The following NCOA2 variants were observed in gnomAD, a reference collection of about 807,000 sequenced individuals.
NCOA2 encodes the protein nuclear receptor coactivator 2, also known as class E basic helix-loop-helix protein 75.
NCOA2 carries 21 observed loss-of-function variants against 145.1 expected under a neutral mutation model. The ratio of observed to expected loss-of-function variants is 0.14; its 90% confidence interval spans 0.10 to 0.21. The LOEUF is 0.21. NCOA2 is among the 10% of genes least tolerant of loss of function. NCOA2 has a pLI of 1.00. For missense variants in NCOA2, 1,472 were observed against 1,837.6 expected, an observed-to-expected ratio of 0.80 and a Z score of 3.64; for synonymous variants, 619 against 637.5, an observed-to-expected ratio of 0.97 and a Z score of 0.44.
chr8:70,375,954 G>A (rs1811628561), intron 1 of NCOA2, among the ~76,000 whole-genome samples: 1 of 152,022 alleles, frequency 6.6e-6, no homozygotes. Context: ...AAGAGTCACC[G>A]AAGACTTATG....
chr8:70,119,472 C>T (rs1205582352), intron 22 of NCOA2, among the ~76,000 whole-genome samples: 1 of 152,124 alleles, frequency 6.6e-6, no homozygotes, highest in Non-Finnish European at 1.5e-5. Flanking sequence ...GATGGACACA[C>T]AGGTTGATTC....
chr8:70,125,024 C>T (rs1412586166), intron 19 of NCOA2, among the ~76,000 whole-genome samples, 159 bp from the exon 20 acceptor site: 1 of 152,024 alleles, frequency 6.6e-6, no homozygotes, highest in Non-Finnish European at 1.5e-5. Flanking sequence ...AAGAAAGATT[C>T]CAAGCTCGGA....
At chr8:70,322,887 A>G (rs576248097) in intron 1 of NCOA2, among the ~76,000 whole-genome samples, 1 of 152,336 alleles carries the variant, frequency 6.6e-6, no homozygotes, top group African/African-American at 2.4e-5. Flanking sequence ...AAAATATTTC[A>G]AAGAATTTGT....
At chr8:70,167,843 G>C (rs533082754) in intron 6 of NCOA2, among the ~76,000 whole-genome samples, 1 of 152,072 alleles carries the variant, frequency 6.6e-6, no homozygotes, top group Non-Finnish European at 1.5e-5. Flanking sequence ...AGAATTAAAG[G>C]GTGTTTATGG....
chr8:70,128,301 C>A, intron 18 of NCOA2, 132 bp downstream of exon 18: 1 of 706,454 alleles, frequency 1.4e-6, no homozygotes. Flanking sequence ...TAGTAGGTAA[C>A]TAGATGACAG....
chr8:70,284,828 G>A (rs977147268), intron 2 of NCOA2, among the ~76,000 whole-genome samples: 1 of 150,228 alleles, frequency 6.7e-6, no homozygotes, highest in African/African-American at 2.4e-5. Flanking sequence ...ATGGAGAGAG[G>A]AGACAGGAGA....
At chr8:70,198,212 T>C (rs538132775) in intron 4 of NCOA2, among the ~76,000 whole-genome samples, 1 of 152,208 alleles carries the variant, frequency 6.6e-6, no homozygotes, top group Non-Finnish European at 1.5e-5. Flanking sequence ...GTCGTGGTAA[T>C]GGTAATAGGG....
Position 70,195,764 on chromosome 8 carries a change from C to T in NCOA2, c.259+18139G>A, listed in dbSNP as rs111954477. Among the ~76,000 whole-genome samples, 466 of 152,274 alleles carry T rather than the reference C, an allele frequency of 3.1e-3. 5 individuals carry two copies. Among genetic ancestry groups the T allele is most frequent in the African/African-American group, 0.011 (453 of 41,556 alleles). ...CGGTGGCTACAGAAATCCCACGTTC[C>T]ATTGCATCCTGCTACACCGCTTACA... On this transcript the variant is annotated intron_variant, in intron 4 of 22. Coordinates refer to ENST00000452400, the MANE Select transcript of NCOA2 (RefSeq NM_006540.4).
Position 70,262,850 on chromosome 8 carries a change from A to C in NCOA2, c.-20+33894T>G, listed in dbSNP as rs182874278. Among the ~76,000 whole-genome samples, 686 of 152,174 alleles carry C rather than the reference A, an allele frequency of 4.5e-3. 5 individuals are homozygous for C. Among genetic ancestry groups the C allele is most frequent in the Non-Finnish European group, 7.4e-3 (506 of 68,004 alleles). On this transcript the variant is annotated intron_variant, in intron 2 of 22. Coordinates refer to ENST00000452400, the MANE Select transcript of NCOA2 (RefSeq NM_006540.4). The stretch of plus-strand genomic sequence containing the variant: ...ACAGATACTACTGAACTGTATATAC[A>C]CCGGTTTTTCCTATGCACAGATACC...
chr8:70,384,139 T>A (rs1164008438), intron 1 of NCOA2, among the ~76,000 whole-genome samples: 2 of 152,142 alleles, frequency 1.3e-5, no homozygotes, highest in Admixed American at 1.3e-4. Context: ...TTACTGATGA[T>A]TAGATTTAAT....
At chr8:70,408,237 A>G (rs1814811810), upstream of NCOA2, among the ~76,000 whole-genome samples, 1 of 152,208 alleles carries the variant, frequency 6.6e-6, no homozygotes. Context: ...AGGAGGTGAA[A>G]CCAAACTTAT....
In NCOA2 at chr8:70,156,518, T is replaced by A. The variant is rs755328681; in HGVS notation, c.1847A>T (p.Asn616Ile). Residue 616 changes from asparagine to isoleucine, a missense_variant, in exon 11 of 23, where the codon AAC becomes ATC. Asn to Ile is a moderately radical substitution (Grantham distance 149). This residue lies in a region of NCOA2 where 953 missense variants were observed against 1,062.1 expected (regional missense o/e 0.90). Coordinates refer to ENST00000452400, the MANE Select transcript of NCOA2 (RefSeq NM_006540.4). ...CTCACTGCTCACGGCCGGGGGCAGG[T>A]TGGGGTCATTTGTTTCCTTTTGCTC... ...PGEQKETNDPNLPPAVSSERA... is the reference protein window; with the variant it reads ...PGEQKETNDPILPPAVSSERA... The A allele has an allele frequency of 7.4e-6, 12 of 1,613,678 alleles. No homozygotes were observed. In the African/African-American group the frequency reaches 1.3e-4, roughly 18 times the overall value.
At chr8:70,118,307 A>G (rs919045642) in intron 22 of NCOA2, among the ~76,000 whole-genome samples, 2 of 152,188 alleles carry the variant, frequency 1.3e-5, no homozygotes, top group East Asian at 1.9e-4. Flanking sequence ...TATCAGTAAC[A>G]TCACTGTTCT....
At chr8:70,203,821 C>T (rs975178555) in intron 4 of NCOA2, among the ~76,000 whole-genome samples, 6 of 152,272 alleles carry the variant, frequency 3.9e-5, no homozygotes, top group African/African-American at 7.2e-5. Flanking sequence ...TAAATGTACT[C>T]GGCAAATTCT....
chr8:70,403,613 G>T lies in NCOA2; in HGVS notation c.-77+87C>A, dbSNP rs1047325939. 4 of 318,354 alleles carry T rather than the reference G, an allele frequency of 1.3e-5. No individual in the cohort carries two copies. In the South Asian group the frequency reaches 6.3e-4, roughly 50 times the overall value. The allele number at this position is 318,354 out of a possible 1,614,324, so 19.7% of individuals were successfully genotyped here. A position where few individuals can be genotyped will look rare whatever the true frequency, so the allele number is the denominator to read the frequency against. ...GTCGGAGCTCGGCGCAGGAAGGGCA[G>T]TCGCGGCCGGGGGTGGGGACGCGGC... On this transcript the variant is annotated intron_variant, in intron 1 of 22. Coordinates refer to ENST00000452400, the MANE Select transcript of NCOA2 (RefSeq NM_006540.4).
intron 11 of NCOA2, among the ~76,000 whole-genome samples, chr8:70,153,406 GT>G (rs571200416): frequency 2.7e-3 from 406 of 152,310 alleles, no homozygotes; most frequent in Non-Finnish European, 3.6e-3. Flanking sequence ...GACTCAAGGA[GT>G]TTTTAAAAAA....
the NCOA2 span, among the ~76,000 whole-genome samples, chr8:70,438,496 A>T: frequency 6.6e-6 from 1 of 152,214 alleles, no homozygotes; most frequent in Non-Finnish European, 1.5e-5. Flanking sequence ...TACAGCATTT[A>T]CTTAATTGAA....
At chr8:70,249,729 G>A (rs1822943638) in intron 2 of NCOA2, among the ~76,000 whole-genome samples, 2 of 152,048 alleles carry the variant, frequency 1.3e-5, no homozygotes, top group African/African-American at 4.8e-5. Context: ...TTGGGAGGCC[G>A]AGGCGGGCAG....
chr8:70,109,820 TAAC>T lies in NCOA2; in HGVS notation c.*3809_*3811del, dbSNP rs1288665642. ...CATTAAAATTTATTAAATGATGCAATAACAACAGAATTCTTTATTTACAATAGC... is the reference window on the plus strand; with the variant it reads ...CATTAAAATTTATTAAATGATGCAATAACAGAATTCTTTATTTACAATAGC... On this transcript the variant is annotated 3_prime_UTR_variant, in exon 23 of 23. Coordinates refer to ENST00000452400, the MANE Select transcript of NCOA2 (RefSeq NM_006540.4). The T allele has an allele frequency of 5.6e-6, 1 of 178,638 alleles. No homozygotes were observed. Among genetic ancestry groups the T allele is most frequent in the Non-Finnish European group, 1.2e-5 (1 of 83,268 alleles). The allele number at this position is 178,638 out of a possible 1,614,324, so 11.1% of individuals were successfully genotyped here.
Sources: allele counts gnomAD v4.1 joint callset (sites outside exome capture counted in the v4.1 genomes callset), GRCh38; gene constraint gnomAD v4.1.1; regional missense constraint gnomAD v4.1.1; transcripts MANE v1.5; gene names NCBI Gene and HGNC (gene_info 2026-07-23, HGNC 2026-07-21).